BCAR3: variants seen among roughly 807,000 people sequenced by gnomAD.
The protein encoded by BCAR3 is breast cancer anti-estrogen resistance protein 3.
Under a neutral mutation model 80.1 loss-of-function variants are expected in BCAR3, and 37 were observed. The ratio of observed to expected loss-of-function variants is 0.46; its 90% CI spans 0.36 to 0.61. The LOEUF is 0.61. Among genes scored for constraint, BCAR3 ranks in the 20% least tolerant of loss-of-function variants. The pLI is 0.00. For missense variants in BCAR3, 978 were observed against 1,068.2 expected (o/e 0.92, Z 1.18); for synonymous variants, 389 against 418.9 (o/e 0.93, Z 0.87).
intron 2 of BCAR3, among the ~76,000 whole-genome samples, chr1:93,740,937 C>T (rs1040437118): frequency 2.6e-5 from 4 of 152,180 alleles, no homozygotes; most frequent in African/African-American, 7.2e-5. Flanking sequence ...GATGCAAGCG[C>T]GTCTGCCGAC....
chr1:93,568,274 T>G (rs7539407), intron 9 of BCAR3: 95,219 of 156,736 alleles, frequency 0.61, 31,232 homozygotes, highest in Non-Finnish European at 0.74. Context: ...TGTCAAAGTG[T>G]CTGAAAGCAG....
At chr1:93,665,733 T>C (rs1647877109) in intron 2 of BCAR3, among the ~76,000 whole-genome samples, 1 of 152,118 alleles carries the variant, frequency 6.6e-6, no homozygotes, top group African/African-American at 2.4e-5. Flanking sequence ...CATGCATGCA[T>C]CTCAAACTTA....
At chr1:93,782,970 A>G (rs1402345247) in intron 2 of BCAR3, among the ~76,000 whole-genome samples, 1 of 152,174 alleles carries the variant, frequency 6.6e-6, no homozygotes. Flanking sequence ...AATCCTATAA[A>G]CATTTACTCT....
At chr1:93,724,243 T>A (rs1481453657) in intron 2 of BCAR3, among the ~76,000 whole-genome samples, 1 of 152,126 alleles carries the variant, frequency 6.6e-6, no homozygotes, top group African/African-American at 2.4e-5. Context: ...GGGGTCCATG[T>A]CCAGCCTCTC....
At chr1:93,626,630 T>C (rs1342736066) in intron 3 of BCAR3, among the ~76,000 whole-genome samples, 1 of 152,220 alleles carries the variant, frequency 6.6e-6, no homozygotes, top group Non-Finnish European at 1.5e-5. Context: ...CACCAAACTC[T>C]ACCAGGGGCC....
At chr1:93,796,430 C>T (rs1205265829) in intron 2 of BCAR3, among the ~76,000 whole-genome samples, 14 of 147,596 alleles carry the variant, frequency 9.5e-5, no homozygotes, top group East Asian at 6.0e-4. Flanking sequence ...CAGGTGCGTC[C>T]GTCACCCCTT....
chr1:93,583,208 C>A (rs1432933507), intron 6 of BCAR3, among the ~76,000 whole-genome samples: 1 of 152,172 alleles, frequency 6.6e-6, no homozygotes, highest in African/African-American at 2.4e-5. Flanking sequence ...CTGCTGACAC[C>A]TGGGCTACAA....
chr1:93,666,954 AGGAG>A (rs1647946804), intron 2 of BCAR3, among the ~76,000 whole-genome samples: 1 of 152,176 alleles, frequency 6.6e-6, no homozygotes, highest in Non-Finnish European at 1.5e-5. Context: ...CTAGCCTTCC[AGGAG>A]GAAGGAAGGA....
At chr1:93,833,042 C>T (rs958585440) in intron 2 of BCAR3, among the ~76,000 whole-genome samples, 1 of 152,100 alleles carries the variant, frequency 6.6e-6, no homozygotes, top group South Asian at 2.1e-4. Context: ...GAACTAGCCC[C>T]CAATATTTCA....
intron 8 of BCAR3, among the ~76,000 whole-genome samples, chr1:93,573,888 C>G (rs1418229022): frequency 6.6e-6 from 1 of 152,122 alleles, no homozygotes. Flanking sequence ...CTTGGCCTCC[C>G]AAAGTGCTGG....
At chr1:93,562,497 C>T (rs698928) in intron 11 of BCAR3, 78 bp from the exon 12 acceptor site, 228 of 1,376,882 alleles carry the variant, frequency 1.7e-4, no homozygotes, top group Middle Eastern at 5.1e-4. Flanking sequence ...GCACCAGGCG[C>T]GGTGGCTCAC....
intron 2 of BCAR3, chr1:93,845,496 A>ATC (rs1557708538): frequency 2.7e-3 from 7 of 2,616 alleles, no homozygotes; most frequent in South Asian, 0.018. Flanking sequence ...ATATATATAT[A>ATC]TATATAAAAC....
chr1:93,736,747 C>A (rs61781048), intron 2 of BCAR3, among the ~76,000 whole-genome samples: 1 of 151,960 alleles, frequency 6.6e-6, no homozygotes, highest in East Asian at 1.9e-4. Context: ...AGAAACTATT[C>A]CAAGTGATAA....
intron 4 of BCAR3, among the ~76,000 whole-genome samples, chr1:93,589,712 C>G (rs1038484270): frequency 9.9e-5 from 15 of 152,136 alleles, no homozygotes; most frequent in African/African-American, 3.6e-4. Context: ...TGGGGAGCTT[C>G]TGTTTTAGTG....
intron 2 of BCAR3, among the ~76,000 whole-genome samples, chr1:93,756,153 T>C (rs1651741398): frequency 6.6e-6 from 1 of 152,208 alleles, no homozygotes; most frequent in African/African-American, 2.4e-5. Context: ...ATCTATAACC[T>C]AAAAGAACCA....
At chr1:93,660,082 G>A (rs1222037511) in intron 2 of BCAR3, among the ~76,000 whole-genome samples, 1 of 151,820 alleles carries the variant, frequency 6.6e-6, no homozygotes, top group African/African-American at 2.4e-5. Flanking sequence ...GTGTGTGTGT[G>A]TTTTCTCTAA....
At chr1:93,715,164 C>T (rs1210053334) in intron 2 of BCAR3, among the ~76,000 whole-genome samples, 1 of 152,238 alleles carries the variant, frequency 6.6e-6, no homozygotes, top group Non-Finnish European at 1.5e-5. Context: ...GTTCTTCCCC[C>T]CTGCTATTCT....
intron 2 of BCAR3, among the ~76,000 whole-genome samples, chr1:93,707,170 C>T (rs1328479316): frequency 6.6e-6 from 1 of 151,574 alleles, no homozygotes; most frequent in Non-Finnish European, 1.5e-5. Flanking sequence ...AGCAAGACTC[C>T]ATCTCAAAAA....
chr1:93,632,855 T>C (rs1017522280), intron 3 of BCAR3, among the ~76,000 whole-genome samples: 4 of 152,018 alleles, frequency 2.6e-5, no homozygotes, highest in Non-Finnish European at 5.9e-5. Context: ...CCGTCTCTAA[T>C]AAAAATATAA....
Sources: gnomAD v4.1 joint callset for allele counts (sites outside exome capture counted in the v4.1 genomes callset) on GRCh38, gnomAD v4.1.1 for gene constraint, MANE v1.5 for transcripts, NCBI Gene and HGNC (gene_info 2026-07-23, HGNC 2026-07-21) for gene names.